SEMA4D: variants seen among roughly 807,000 people sequenced by gnomAD.
SEMA4D encodes semaphorin 4D.
Under a neutral mutation model 74.8 loss-of-function variants are expected in SEMA4D, and 22 were observed. The observed-to-expected ratio is 0.29, with a 90% confidence interval of 0.21 to 0.42. SEMA4D has a LOEUF of 0.42. Among genes scored for constraint, SEMA4D ranks in the 10% least tolerant of loss-of-function variants. The pLI is 1.00. For missense variants in SEMA4D, 937 were observed against 1,118.4 expected (o/e 0.84, Z 2.31); for synonymous variants, 445 against 463.7 (o/e 0.96, Z 0.52).
At chr9:89,387,141 G>C in intron 12 of SEMA4D, 1 of 469,666 alleles carries the variant, frequency 2.1e-6, no homozygotes, top group Non-Finnish European at 3.8e-6. Context: ...GCCCAGCCCA[G>C]CCACAGGCCA....
intron 2 of SEMA4D, among the ~76,000 whole-genome samples, chr9:89,444,799 G>A (rs2135234811): frequency 6.6e-6 from 1 of 152,184 alleles, no homozygotes; most frequent in East Asian, 1.9e-4. Context: ...ACCATAAAAT[G>A]AGTTAATCTG....
intron 4 of SEMA4D, among the ~76,000 whole-genome samples, chr9:89,400,983 C>A (rs914191471): frequency 6.6e-6 from 1 of 152,302 alleles, no homozygotes; most frequent in African/African-American, 2.4e-5. Flanking sequence ...TTAACAGACA[C>A]GCGAAGAGTA....
chr9:89,439,822 T>A (rs1162484787), intron 2 of SEMA4D, among the ~76,000 whole-genome samples: 1 of 152,224 alleles, frequency 6.6e-6, no homozygotes, highest in African/African-American at 2.4e-5. Flanking sequence ...AAAAAGTCAG[T>A]GATGCCCCCA....
At chr9:89,436,927 T>G (rs1219084578) in intron 2 of SEMA4D, among the ~76,000 whole-genome samples, 1 of 152,038 alleles carries the variant, frequency 6.6e-6, no homozygotes, top group Admixed American at 6.6e-5. Flanking sequence ...GGGCTAGAGG[T>G]GAAGTCCCGA....
intron 16 of SEMA4D, chr9:89,367,622 G>C (rs1267660490): frequency 6.6e-6 from 1 of 152,270 alleles, no homozygotes; most frequent in Admixed American, 6.5e-5. Context: ...TAGGGTAGAG[G>C]TCCTGAGGAC....
At chr9:89,377,138 C>G, downstream of SEMA4D, 3 of 1,450,970 alleles carry the variant, frequency 2.1e-6, no homozygotes, top group Admixed American at 5.2e-5. Flanking sequence ...CAAAACACAG[C>G]AGGAAACGGA....
rs1485727587 is a variant in SEMA4D, at chr9:89,378,568, G to A, written c.*136C>T. ...CAACCCAAGAGAAAATAGACAAGAG[G>A]ACTGAGGTTGTCTGCACGATGCGGG... is the stretch of plus-strand genomic sequence containing the variant. On this transcript the variant is annotated 3_prime_UTR_variant, in exon 16 of 16. Transcript: ENST00000422704. The A allele has an allele frequency of 7.9e-6, 5 of 635,986 alleles. No individual in the cohort carries two copies. The East Asian group carries it at 1.4e-4, about 17-fold the overall frequency. 39.4% of individuals were successfully genotyped at this position (635,986 alleles called of 1,614,324 possible). A position where few individuals can be genotyped will look rare whatever the true frequency, so the allele number is the denominator to read the frequency against.
intron 2 of SEMA4D, among the ~76,000 whole-genome samples, chr9:89,412,644 T>C (rs538421639): frequency 6.6e-6 from 1 of 152,154 alleles, no homozygotes; most frequent in African/African-American, 2.4e-5. Flanking sequence ...TATCCAGGTC[T>C]GCAGTGTATT....
At chr9:89,429,585 T>C (rs989285453) in intron 2 of SEMA4D, among the ~76,000 whole-genome samples, 1 of 152,148 alleles carries the variant, frequency 6.6e-6, no homozygotes, top group Admixed American at 6.5e-5. Flanking sequence ...TGAGCTGTGC[T>C]CATTCAAATC....
At chr9:89,413,887 C>T (rs552393646) in intron 2 of SEMA4D, among the ~76,000 whole-genome samples, 2 of 152,120 alleles carry the variant, frequency 1.3e-5, no homozygotes, top group South Asian at 4.1e-4. Context: ...CATGTATGTG[C>T]GCATCTGTGT....
intron 2 of SEMA4D, chr9:89,436,484 G>C (rs1850429101): frequency 6.6e-6 from 1 of 152,386 alleles, no homozygotes; most frequent in African/African-American, 2.4e-5. Flanking sequence ...CAAGGGCTCT[G>C]TTATTAGTTG....
intron 2 of SEMA4D, among the ~76,000 whole-genome samples, chr9:89,455,450 G>C (rs1224329542): frequency 6.6e-6 from 1 of 152,160 alleles, no homozygotes; most frequent in Non-Finnish European, 1.5e-5. Flanking sequence ...CCTAGGGTCG[G>C]GTGAAAGACC....
chr9:89,370,653 G>A (rs1180104093), intron 16 of SEMA4D, among the ~76,000 whole-genome samples: 4 of 149,430 alleles, frequency 2.7e-5, no homozygotes, highest in Admixed American at 1.3e-4. Context: ...GCATGTGTGC[G>A]GTATACGTCA....
chr9:89,408,224 G>A (rs1843728940), intron 2 of SEMA4D, among the ~76,000 whole-genome samples: 2 of 152,144 alleles, frequency 1.3e-5, no homozygotes, highest in African/African-American at 4.8e-5. Context: ...TGACAAATAC[G>A]AATGGAGCTC....
chr9:89,417,802 A>C (rs546095849), intron 2 of SEMA4D, among the ~76,000 whole-genome samples: 13 of 152,198 alleles, frequency 8.5e-5, no homozygotes, highest in Non-Finnish European at 1.6e-4. Flanking sequence ...AGGCCGAGAG[A>C]GCAGGGAAGA....
intron 2 of SEMA4D, among the ~76,000 whole-genome samples, chr9:89,452,143 T>C (rs1265137363): frequency 6.6e-6 from 1 of 151,822 alleles, no homozygotes. Context: ...GGCAGCTGGA[T>C]GGTGCTAGTA....
At position 89,484,059 on chromosome 9, in the gene SEMA4D, G is replaced by A. The variant is rs1198367143; in HGVS notation, c.-310+13860C>T. Among the ~76,000 whole-genome samples the A allele has an allele frequency of 6.6e-6, 1 of 152,238 alleles. No homozygotes were observed. Among genetic ancestry groups the A allele is most frequent in the Non-Finnish European group, 1.5e-5 (1 of 68,036 alleles). Reference sequence around the variant, plus strand: ...ACAACCCCACTAAGGAAGAGGGCGGGCCCCACTGAGGCTGCGCACAAGCTG... The same window carrying A: ...ACAACCCCACTAAGGAAGAGGGCGGACCCCACTGAGGCTGCGCACAAGCTG... On this transcript the variant is annotated intron_variant, in intron 1 of 15. Transcript: ENST00000422704. This position sits in a 1 kb window ranked among gnomAD's most constrained non-coding sequence, Gnocchi z 4.1.
At position 89,388,765 on chromosome 9, in the gene SEMA4D, G is replaced by A. The variant is rs749761200; in HGVS notation, c.978C>T (p.Cys326=). ...QLNNVGLSAV[C]AYNLSTAEEV... ...CCTCGGCTGTGGACAGGTTGTAGGC[G>A]CACACTGCCGACAGCCCCACGTTGT... Residue 326 remains cysteine, a synonymous_variant, in exon 11 of 16, where the codon TGC becomes TGT. Coordinates refer to ENST00000422704, the MANE Select transcript of SEMA4D (RefSeq NM_001371194.2). The A allele has an allele frequency of 7.5e-6, 12 of 1,607,086 alleles. No individual in the cohort carries two copies. The highest frequency in any genetic ancestry group is 1.1e-5 in the South Asian group (1 of 90,938).
At chr9:89,403,091 C>A in intron 3 of SEMA4D, 75 bp from the exon 4 acceptor site, 1 of 1,521,632 alleles carries the variant, frequency 6.6e-7, no homozygotes. Flanking sequence ...CTGAGCACAT[C>A]CTAGGTCCCT....
Sources: gnomAD v4.1 joint callset for allele counts (sites outside exome capture counted in the v4.1 genomes callset) on GRCh38, gnomAD v4.1.1 for gene constraint, Gnocchi (gnomAD v3.1) non-coding constraint, MANE v1.5 for transcripts, NCBI Gene and HGNC (gene_info 2026-07-23, HGNC 2026-07-21) for gene names.